The following CNTNAP2 variants were observed in gnomAD, a reference collection of about 807,000 sequenced individuals.
CNTNAP2 encodes the protein contactin associated protein 2.
In CNTNAP2, 98 loss-of-function variants were observed where a neutral mutation model predicts 155.2. The observed-to-expected ratio is 0.63, with a 90% CI of 0.54 to 0.75. The LOEUF (loss-of-function observed/expected upper bound fraction) is 0.75. Ranked by LOEUF, CNTNAP2 falls within the 30% of genes least tolerant of loss-of-function variation. The pLI, the probability that CNTNAP2 is intolerant of heterozygous loss-of-function variation, is 0.00. For synonymous variants in CNTNAP2, 651 were observed against 631.2 expected (o/e 1.03, Z -0.47); for missense variants, 1,727 against 1,688.1 (o/e 1.02, Z -0.40).
chr7:147,289,538 T>G lies in CNTNAP2; in HGVS notation c.1349-10603T>G, dbSNP rs149100271. On this transcript the variant is annotated intron_variant, in intron 8 of 23. Coordinates refer to ENST00000361727, the MANE Select transcript of CNTNAP2 (RefSeq NM_014141.6). The stretch of plus-strand genomic sequence containing the variant: ...AGGCATCTGCCAAAAGTGATAAGAT[T>G]AATGAAAATGGCTCCTTGTATAAAC... Among the ~76,000 whole-genome samples, 1,508 of 152,312 alleles carry G rather than the reference T, an allele frequency of 9.9e-3. 19 individuals are homozygous for G. The highest frequency in any genetic ancestry group is 0.016 in the Non-Finnish European group (1,081 of 68,010).
At chr7:147,475,721 A>G (rs529038409) in intron 10 of CNTNAP2, among the ~76,000 whole-genome samples, 1 of 152,162 alleles carries the variant, frequency 6.6e-6, no homozygotes, top group South Asian at 2.1e-4. Flanking sequence ...AGTTGTTTAT[A>G]AAAAGTATTC....
At chr7:146,687,893 G>C (rs554198718) in intron 1 of CNTNAP2, among the ~76,000 whole-genome samples, 3 of 152,188 alleles carry the variant, frequency 2.0e-5, no homozygotes, top group African/African-American at 7.2e-5. Context: ...AGCACAGGCT[G>C]TGTATGTGCA....
At chr7:146,343,492 G>C (rs1433662246) in intron 1 of CNTNAP2, among the ~76,000 whole-genome samples, 4 of 152,062 alleles carry the variant, frequency 2.6e-5, no homozygotes, top group Non-Finnish European at 5.9e-5. Context: ...TCATGCGTTA[G>C]AATCATCTGT....
intron 3 of CNTNAP2, among the ~76,000 whole-genome samples, chr7:146,903,081 T>C (rs1371075041): frequency 6.6e-6 from 1 of 152,178 alleles, no homozygotes; most frequent in Non-Finnish European, 1.5e-5. Flanking sequence ...CAACTTCACG[T>C]TGGGGCAACA....
intron 11 of CNTNAP2, among the ~76,000 whole-genome samples, chr7:147,538,434 T>C (rs1799584911): frequency 6.6e-6 from 1 of 152,152 alleles, no homozygotes; most frequent in African/African-American, 2.4e-5. Context: ...GAAGGATCAC[T>C]TGAAGCCAGG....
intron 13 of CNTNAP2, among the ~76,000 whole-genome samples, chr7:147,886,780 C>A (rs1799607409): frequency 6.6e-6 from 1 of 152,108 alleles, no homozygotes; most frequent in Admixed American, 6.5e-5. Flanking sequence ...ATCAAATTCA[C>A]CCTCTATAAA....
chr7:147,542,449 A>G (rs937317428), intron 11 of CNTNAP2, among the ~76,000 whole-genome samples: 2 of 152,228 alleles, frequency 1.3e-5, no homozygotes, highest in African/African-American at 4.8e-5. Flanking sequence ...GCAAATTACT[A>G]AATCTCCCTG....
chr7:146,911,716 T>G (rs991737885), intron 3 of CNTNAP2, among the ~76,000 whole-genome samples: 3 of 150,962 alleles, frequency 2.0e-5, no homozygotes, highest in Non-Finnish European at 4.4e-5. Context: ...AGATGACAAG[T>G]TAGTGGGTGC....
At chr7:148,302,743 C>A (rs957534125) in intron 21 of CNTNAP2, among the ~76,000 whole-genome samples, 1 of 152,010 alleles carries the variant, frequency 6.6e-6, no homozygotes, top group South Asian at 2.1e-4. Flanking sequence ...TTCATGAGAC[C>A]TCCCCAGCCA....
intron 10 of CNTNAP2, among the ~76,000 whole-genome samples, chr7:147,449,112 T>G (rs955978988): frequency 6.6e-6 from 1 of 152,158 alleles, no homozygotes; most frequent in Non-Finnish European, 1.5e-5. Flanking sequence ...GATAAATCAT[T>G]TACTGTGTAA....
chr7:147,352,472 C>A (rs1310411243), intron 9 of CNTNAP2, among the ~76,000 whole-genome samples: 1 of 151,868 alleles, frequency 6.6e-6, no homozygotes, highest in East Asian at 1.9e-4. Context: ...TAAAAGTTGT[C>A]CCATTTCACC....
At chr7:146,599,540 A>G (rs1319959920) in intron 1 of CNTNAP2, among the ~76,000 whole-genome samples, 1 of 151,774 alleles carries the variant, frequency 6.6e-6, no homozygotes, top group Non-Finnish European at 1.5e-5. Flanking sequence ...CAATCAGGCC[A>G]TTTCCCTGAT....
chr7:147,916,855 C>A (rs908261201), intron 14 of CNTNAP2, among the ~76,000 whole-genome samples: 1 of 152,212 alleles, frequency 6.6e-6, no homozygotes, highest in East Asian at 1.9e-4. Context: ...CCCTCACACC[C>A]TCCCTACCAG....
chr7:147,644,213 G>T (rs1335618626), intron 13 of CNTNAP2, among the ~76,000 whole-genome samples: 1 of 152,154 alleles, frequency 6.6e-6, no homozygotes, highest in Non-Finnish European at 1.5e-5. Flanking sequence ...CATCCAAATG[G>T]ATGTCTACAT....
At chr7:146,848,774 CTTTATCTA>C (rs1794810847) in intron 3 of CNTNAP2, among the ~76,000 whole-genome samples, 1 of 152,026 alleles carries the variant, frequency 6.6e-6, no homozygotes. Context: ...AAAAGCTGAC[CTTTATCTA>C]TTTATTTAGA....
Position 148,416,881 on chromosome 7 carries a change from C to T in CNTNAP2, c.*1265C>T, listed in dbSNP as rs554078467. 13 of 152,350 alleles carry T rather than the reference C, an allele frequency of 8.5e-5. No individual in the cohort carries two copies. The highest frequency in any genetic ancestry group is 3.2e-4 in the African/African-American group (13 of 41,210). 9.4% of individuals were successfully genotyped at this position (152,350 alleles called of 1,614,324 possible). A position where few individuals can be genotyped will look rare whatever the true frequency, so the allele number is the denominator to read the frequency against. ...CAGAGGATGGAGAAGTGTAGTTAATCACACCTCTTAGTTTAATCTGAAATC... is the reference window on the plus strand; with the variant it reads ...CAGAGGATGGAGAAGTGTAGTTAATTACACCTCTTAGTTTAATCTGAAATC... On this transcript the variant is annotated 3_prime_UTR_variant, in exon 24 of 24. Coordinates refer to ENST00000361727, the MANE Select transcript of CNTNAP2 (RefSeq NM_014141.6).
rs71175650 is a variant in CNTNAP2 at position 146,451,880 on chromosome 7, C to CATACGTGTATATATATATAAGTATATAT, written c.98-322390_98-322389insTACGTGTATATATATATAAGTATATATA. On this transcript the variant is annotated intron_variant, in intron 1 of 23. Transcript: ENST00000361727. ...CTATATATATATATACGTATATATA[C>CATACGTGTATATATATATAAGTATATAT]ACATATACATATATTTATTTATTTA... Among the ~76,000 whole-genome samples, 2 of 106,254 alleles carry CATACGTGTATATATATATAAGTATATAT rather than the reference C, an allele frequency of 1.9e-5. 1 individual carries two copies. Among genetic ancestry groups the CATACGTGTATATATATATAAGTATATAT allele is most frequent in the African/African-American group, 1.9e-4 (2 of 10,276 alleles). 69.7% of individuals were successfully genotyped at this position (106,254 alleles called of 152,430 possible). A position where few individuals can be genotyped will look rare whatever the true frequency, so the allele number is the denominator to read the frequency against.
chr7:146,407,947 T>C (rs1396074568), intron 1 of CNTNAP2, among the ~76,000 whole-genome samples: 1 of 152,210 alleles, frequency 6.6e-6, no homozygotes, highest in Non-Finnish European at 1.5e-5. Context: ...TTGTTTTAGC[T>C]TATGTTATTG....
chr7:147,937,665 C>T (rs556438362), intron 14 of CNTNAP2, among the ~76,000 whole-genome samples: 1 of 152,264 alleles, frequency 6.6e-6, no homozygotes, highest in African/African-American at 2.4e-5. Context: ...GTTTCAGATC[C>T]TGCCTGAGTC....
Sources: allele counts gnomAD v4.1 joint callset (sites outside exome capture counted in the v4.1 genomes callset), GRCh38; gene constraint gnomAD v4.1.1; transcripts MANE v1.5; gene names NCBI Gene and HGNC (gene_info 2026-07-23, HGNC 2026-07-21).